ATP10B: variants seen among roughly 807,000 people sequenced by gnomAD.
The protein encoded by ATP10B is phospholipid-transporting ATPase VB.
In ATP10B, 122 loss-of-function variants were observed where a neutral mutation model predicts 141.2. The ratio of observed to expected loss-of-function variants is 0.86; its 90% confidence interval spans 0.75 to 1.00. The LOEUF (loss-of-function observed/expected upper bound fraction) is 1.00. ATP10B is among the 50% of genes least tolerant of loss of function. ATP10B has a pLI of 0.00. For missense variants in ATP10B, 1,876 were observed against 1,825.3 expected (o/e 1.03, Z -0.51); for synonymous variants, 685 against 692.0 (o/e 0.99, Z 0.16).
the ATP10B span, among the ~76,000 whole-genome samples, chr5:160,923,382 C>T: frequency 6.6e-6 from 1 of 152,156 alleles, no homozygotes; most frequent in Admixed American, 6.5e-5. Flanking sequence ...GGCACTTAAC[C>T]TTACCAACCT....
chr5:160,778,074 AGAGG>A (rs1238566562), intron 2 of ATP10B, among the ~76,000 whole-genome samples: 1 of 152,238 alleles, frequency 6.6e-6, no homozygotes, highest in Non-Finnish European at 1.5e-5. Context: ...GGAGAAAAGT[AGAGG>A]GGCTGTAGAC....
At chr5:160,858,827 G>A in the ATP10B span, among the ~76,000 whole-genome samples, 2 of 151,622 alleles carry the variant, frequency 1.3e-5, no homozygotes, top group Non-Finnish European at 2.9e-5. Flanking sequence ...ACCAGTTTGA[G>A]TGACATATAA....
At chr5:160,876,461 T>G in the ATP10B span, among the ~76,000 whole-genome samples, 3 of 148,196 alleles carry the variant, frequency 2.0e-5, no homozygotes, top group African/African-American at 7.4e-5. Flanking sequence ...CACCCTAATA[T>G]CACAATTAAA....
intron 21 of ATP10B, among the ~76,000 whole-genome samples, chr5:160,601,412 T>C (rs1407359691): frequency 2.6e-5 from 4 of 152,222 alleles, no homozygotes; most frequent in African/African-American, 7.2e-5. Flanking sequence ...TTTGGAAATC[T>C]TGGGGTTTAT....
At chr5:160,814,635 C>A (rs563826309) in intron 1 of ATP10B, among the ~76,000 whole-genome samples, 273 of 152,120 alleles carry the variant, frequency 1.8e-3, no homozygotes, top group African/African-American at 6.4e-3. Context: ...ATACAGAGAA[C>A]ACCACAAAGA....
chr5:160,882,998 G>C, the ATP10B span, among the ~76,000 whole-genome samples: 1 of 152,028 alleles, frequency 6.6e-6, no homozygotes, highest in African/African-American at 2.4e-5. Flanking sequence ...AATCTAAAAT[G>C]AAAAGCCATA....
intron 25 of ATP10B, among the ~76,000 whole-genome samples, chr5:160,566,444 G>T (rs1190364512): frequency 6.6e-6 from 1 of 152,168 alleles, no homozygotes; most frequent in Non-Finnish European, 1.5e-5. Flanking sequence ...TCTTGAATCT[G>T]TGGGCCTTGC....
chr5:160,644,221 G>C lies in ATP10B; in HGVS notation c.785C>G (p.Thr262Ser). ...CAGAAGACTCTCACAGCCAAAGCCA[G>C]TCCTGGTCTGGTCAGGATGCTCCCT... is the stretch of plus-strand genomic sequence containing the variant. ...GYMEHPDQTR[T>S]GFGCESLLLR... Residue 262 changes from threonine to serine, a missense_variant, in exon 9 of 26, where the codon ACT (threonine) becomes AGT (serine). Physicochemically the swap from Thr to Ser is moderately conservative, Grantham distance 58. Coordinates refer to ENST00000327245, the MANE Select transcript of ATP10B (RefSeq NM_025153.3). 1 of 1,613,998 alleles carries C rather than the reference G, an allele frequency of 6.2e-7. No homozygotes were observed. The highest frequency in any genetic ancestry group is 1.1e-5 in the South Asian group (1 of 91,060).
At chr5:160,895,054 G>A in the ATP10B span, among the ~76,000 whole-genome samples, 1 of 152,106 alleles carries the variant, frequency 6.6e-6, no homozygotes, top group Non-Finnish European at 1.5e-5. Flanking sequence ...CCTGAAGGAG[G>A]CACTAAACAT....
chr5:160,725,576 G>A (rs1179233880), intron 2 of ATP10B, among the ~76,000 whole-genome samples: 1 of 152,042 alleles, frequency 6.6e-6, no homozygotes, highest in Non-Finnish European at 1.5e-5. Context: ...CTCGCAAGTA[G>A]CTGGGACTAC....
intron 2 of ATP10B, among the ~76,000 whole-genome samples, chr5:160,781,283 G>A (rs1770697165): frequency 6.6e-6 from 1 of 152,200 alleles, no homozygotes; most frequent in Admixed American, 6.5e-5. Context: ...AGTAGGTGCT[G>A]TGGATGCTGT....
In ATP10B at chr5:160,632,134, A is replaced by G. The variant is rs540246624; in HGVS notation, c.1615T>C (p.Ser539Pro). The G allele has an allele frequency of 6.2e-7, 1 of 1,611,650 alleles. No homozygotes were observed. Among genetic ancestry groups the G allele is most frequent in the South Asian group, 1.1e-5 (1 of 91,048 alleles). ...AGGCAAAAGTCAGGACTTACTATGG[A>G]GCTGCTGAAGGCCACAGGAGGCTGT... ...SSQPPVAFSS[S>P]IEKDVTPDKN... The change falls in exon 13 of 26, where the codon TCC becomes CCC. Residue 539 changes from serine to proline, a missense_variant. Ser to Pro is a moderately conservative substitution (Grantham distance 74). Transcript: ENST00000327245.
At chr5:160,880,129 T>A in the ATP10B span, among the ~76,000 whole-genome samples, 1 of 147,154 alleles carries the variant, frequency 6.8e-6, no homozygotes, top group African/African-American at 2.5e-5. Flanking sequence ...GTAAAAGAAA[T>A]TATATAATAG....
the ATP10B span, among the ~76,000 whole-genome samples, chr5:160,928,882 A>G: frequency 3.9e-5 from 6 of 152,160 alleles, no homozygotes; most frequent in Non-Finnish European, 8.8e-5. Flanking sequence ...TAAGGTAGAG[A>G]TTCCTTGCAA....
At chr5:160,915,352 G>C in the ATP10B span, among the ~76,000 whole-genome samples, 1 of 149,582 alleles carries the variant, frequency 6.7e-6, no homozygotes, top group South Asian at 2.1e-4. Flanking sequence ...TTTTTTTTGA[G>C]ATGGAGTCTC....
chr5:160,783,716 G>A (rs566280303), intron 2 of ATP10B, among the ~76,000 whole-genome samples: 14 of 151,442 alleles, frequency 9.2e-5, no homozygotes, highest in Admixed American at 2.6e-4. Context: ...TATCTTTTTC[G>A]TATAATGACT....
intron 2 of ATP10B, among the ~76,000 whole-genome samples, chr5:160,749,581 A>G (rs1768022830): frequency 6.6e-6 from 1 of 152,198 alleles, no homozygotes; most frequent in Non-Finnish European, 1.5e-5. Flanking sequence ...AAGGAAAATG[A>G]GAATTTAAGC....
intron 7 of ATP10B, among the ~76,000 whole-genome samples, chr5:160,661,581 C>A (rs986761208): frequency 6.6e-6 from 1 of 152,014 alleles, no homozygotes; most frequent in African/African-American, 2.4e-5. Context: ...TGGTTATAAA[C>A]TGATTGTTGA....
intron 2 of ATP10B, among the ~76,000 whole-genome samples, chr5:160,732,213 C>A (rs1397914212): frequency 6.6e-6 from 1 of 152,082 alleles, no homozygotes; most frequent in Non-Finnish European, 1.5e-5. Flanking sequence ...CTTGGAGCCC[C>A]AAATAAAATA....
Sources: gnomAD v4.1 joint callset for allele counts (sites outside exome capture counted in the v4.1 genomes callset) on GRCh38, gnomAD v4.1.1 for gene constraint, MANE v1.5 for transcripts, NCBI Gene and HGNC (gene_info 2026-07-23, HGNC 2026-07-21) for gene names.